The following PCDH15 variants were observed in gnomAD, a reference collection of about 807,000 sequenced individuals.
PCDH15 encodes the protein protocadherin related 15, also known as protocadherin-15.
A neutral mutation model predicts 178.5 loss-of-function variants in PCDH15; 129 were observed. The ratio of observed to expected loss-of-function variants is 0.72; its 90% confidence interval spans 0.63 to 0.84. The LOEUF is 0.84. Ranked by LOEUF, PCDH15 falls within the 40% of genes least tolerant of loss-of-function variation. The pLI is 0.00. For missense variants in PCDH15, 2,230 were observed against 2,099.9 expected, an observed-to-expected ratio of 1.06 and a Z score of -1.21; for synonymous variants, 800 against 732.0, an observed-to-expected ratio of 1.09 and a Z score of -1.50.
In PCDH15 at chr10:54,814,958, G is replaced by T. The variant is rs776295053; in HGVS notation, c.-29+82492C>A. Reference sequence around the variant, plus strand: ...ATTCCCTTGAATCTTATACTTTTCAGTTAAATAGTTAACATTGTGATAGTG... The same window carrying T: ...ATTCCCTTGAATCTTATACTTTTCATTTAAATAGTTAACATTGTGATAGTG... On this transcript the variant is annotated intron_variant, in intron 3 of 5. Transcript: ENST00000458638. 5.1e-4 allele frequency among the ~76,000 whole-genome samples: 78 copies of T among 151,970 alleles called. 1 individual carries two copies. The highest frequency in any genetic ancestry group is 1.6e-4 in the Non-Finnish European group (11 of 67,992).
At chr10:54,914,381 A>T (rs1954868197) in intron 2 of PCDH15, among the ~76,000 whole-genome samples, 1 of 152,066 alleles carries the variant, frequency 6.6e-6, no homozygotes, top group Non-Finnish European at 1.5e-5. Flanking sequence ...TTCTGCAATG[A>T]TTGTAAGTTT....
At chr10:55,371,281 C>A (rs1845502661) in intron 2 of PCDH15, among the ~76,000 whole-genome samples, 1 of 152,054 alleles carries the variant, frequency 6.6e-6, no homozygotes, top group Admixed American at 6.6e-5. Context: ...ACATTTCTGG[C>A]AACTTGCTAA....
At chr10:55,346,169 A>T (rs1249777588) in intron 2 of PCDH15, among the ~76,000 whole-genome samples, 1 of 152,192 alleles carries the variant, frequency 6.6e-6, no homozygotes, top group African/African-American at 2.4e-5. Flanking sequence ...ATAAATACTT[A>T]TATGGAAGAG....
At chr10:55,068,580 A>AT (rs977025874) in intron 2 of PCDH15, among the ~76,000 whole-genome samples, 4 of 151,888 alleles carry the variant, frequency 2.6e-5, no homozygotes, top group African/African-American at 9.7e-5. Flanking sequence ...TCTTCTGGAT[A>AT]TTTTTTTGTT....
At chr10:54,441,110 G>A (rs1253218059) in intron 3 of PCDH15, among the ~76,000 whole-genome samples, 3 of 151,818 alleles carry the variant, frequency 2.0e-5, no homozygotes, top group Non-Finnish European at 4.4e-5. Flanking sequence ...TGCTAAAAGA[G>A]GGTTGCATTC....
intron 2 of PCDH15, among the ~76,000 whole-genome samples, chr10:55,602,227 G>T (rs1225060274): frequency 1.3e-5 from 2 of 152,154 alleles, no homozygotes; most frequent in Non-Finnish European, 2.9e-5. Context: ...CACCTGGCTC[G>T]GAGGGTCCTA....
At position 54,866,730 on chromosome 10, in the gene PCDH15, TTA is replaced by T. The variant is rs369406254; in HGVS notation, c.-29+30718_-29+30719del. Among the ~76,000 whole-genome samples, 32 of 152,192 alleles carry T rather than the reference TTA, an allele frequency of 2.1e-4. 1 individual carries two copies. In the East Asian group the frequency reaches 6.0e-3, roughly 29 times the overall value. ...TCTCTTTCCTTATAAGACAGAAAAGTTATGTTACATCCCTTTAACCTCTAAAT... is the reference window on the plus strand; with the variant it reads ...TCTCTTTCCTTATAAGACAGAAAAGTTGTTACATCCCTTTAACCTCTAAAT... On this transcript the variant is annotated intron_variant, in intron 3 of 5. Transcript: ENST00000458638.
chr10:54,421,224 C>T (rs1435034023), intron 3 of PCDH15, among the ~76,000 whole-genome samples: 1 of 145,490 alleles, frequency 6.9e-6, no homozygotes, highest in Admixed American at 6.7e-5. Flanking sequence ...CACGAGATCA[C>T]TATGACAAAA....
chr10:54,257,603 C>T (rs1004652658), intron 8 of PCDH15, among the ~76,000 whole-genome samples: 5 of 151,904 alleles, frequency 3.3e-5, no homozygotes, highest in Non-Finnish European at 5.9e-5. Context: ...ACTGTGAGTA[C>T]GTGTATGATA....
At chr10:54,417,849 G>C (rs1369624491) in intron 3 of PCDH15, among the ~76,000 whole-genome samples, 1 of 152,090 alleles carries the variant, frequency 6.6e-6, no homozygotes, top group Non-Finnish European at 1.5e-5. Context: ...TTTACCTCGT[G>C]TTATTTTCTC....
chr10:54,400,166 G>A (rs1455380119), intron 3 of PCDH15, among the ~76,000 whole-genome samples: 1 of 152,084 alleles, frequency 6.6e-6, no homozygotes, highest in Admixed American at 6.6e-5. Context: ...GTATTTCAGA[G>A]TAGGAGATAA....
intron 2 of PCDH15, among the ~76,000 whole-genome samples, chr10:55,007,616 T>C (rs1046899509): frequency 6.6e-6 from 1 of 152,160 alleles, no homozygotes; most frequent in African/African-American, 2.4e-5. Context: ...TTCTTGTTTG[T>C]TTGTTCCTTT....
At chr10:54,761,575 C>T (rs35110919) in intron 1 of PCDH15, among the ~76,000 whole-genome samples, 7,520 of 151,966 alleles carry the variant, frequency 0.049, 229 homozygotes, top group East Asian at 0.096. Context: ...CCAAGCTACT[C>T]GGGAGGCTGA....
At chr10:54,600,223 A>T (rs778653838) in intron 2 of PCDH15, 20 of 593,984 alleles carry the variant, frequency 3.4e-5, no homozygotes, top group Non-Finnish European at 6.0e-5. Context: ...GAAAGAGACC[A>T]AAGAAGAGGG....
At chr10:53,930,273 A>G (rs900708239) in intron 25 of PCDH15, among the ~76,000 whole-genome samples, 3 of 151,902 alleles carry the variant, frequency 2.0e-5, no homozygotes, top group African/African-American at 7.3e-5. Context: ...CCTGGCTAAC[A>G]TGGTGAAACC....
At chr10:54,016,002 A>G (rs189466578) in intron 20 of PCDH15, among the ~76,000 whole-genome samples, 1 of 152,308 alleles carries the variant, frequency 6.6e-6, no homozygotes, top group Non-Finnish European at 1.5e-5. Context: ...ATGGGTGAAA[A>G]TGCTTACAAA....
At chr10:54,162,099 A>G (rs935374144) in intron 13 of PCDH15, among the ~76,000 whole-genome samples, 10 of 152,068 alleles carry the variant, frequency 6.6e-5, no homozygotes, top group African/African-American at 2.4e-4. Context: ...TTTTAATGAT[A>G]TTTATCCATT....
chr10:54,903,134 G>A (rs1471215675), intron 2 of PCDH15, among the ~76,000 whole-genome samples: 5 of 152,042 alleles, frequency 3.3e-5, no homozygotes, highest in African/African-American at 9.7e-5. Context: ...TAAAGATGAC[G>A]GTTGGAGGTA....
At chr10:55,277,543 T>TAC (rs1280637134) in intron 1 of PCDH15, among the ~76,000 whole-genome samples, 2 of 152,098 alleles carry the variant, frequency 1.3e-5, no homozygotes, top group Non-Finnish European at 2.9e-5. Context: ...AAAGAACCTG[T>TAC]ACACCACTGT....
Sources: gnomAD v4.1 joint callset for allele counts (sites outside exome capture counted in the v4.1 genomes callset) on GRCh38, gnomAD v4.1.1 for gene constraint, MANE v1.5 for transcripts, NCBI Gene and HGNC (gene_info 2026-07-23, HGNC 2026-07-21) for gene names.